Variants in DYNC2LI1 observed in about 807,000 individuals in gnomAD.
DYNC2LI1 encodes the protein dynein cytoplasmic 2 light intermediate chain 1.
Under a neutral mutation model 51.9 loss-of-function variants are expected in DYNC2LI1, and 45 were observed. The ratio of observed to expected loss-of-function variants is 0.87; its 90% CI spans 0.68 to 1.11. The LOEUF (loss-of-function observed/expected upper bound fraction) is 1.11, where lower values mean the gene tolerates loss of function less well. Ranked by LOEUF, DYNC2LI1 falls within the 50% of genes most tolerant of loss-of-function variation. The probability of loss-of-function intolerance (pLI) is 0.00; values close to 1 mark genes in which losing one functional copy is unlikely to be tolerated. For synonymous variants in DYNC2LI1, 130 were observed against 137.8 expected (o/e 0.94, Z 0.40); for missense variants, 490 against 417.4 (o/e 1.17, Z -1.51).
At chr2:43,827,082 T>C in the DYNC2LI1 span, among the ~76,000 whole-genome samples, 1 of 152,126 alleles carries the variant, frequency 6.6e-6, no homozygotes, top group Non-Finnish European at 1.5e-5. Context: ...GCCAACACTT[T>C]GGGAGGTCAA....
rs17031616 is a variant in DYNC2LI1 at position 43,805,124 on chromosome 2, G to A, written c.901-30G>A. ...AGCCATTGAATTTTGGTTTATGGGC[G>A]TGAAGTGATTTTGAGATTTGTAATT... On this transcript the variant is annotated intron_variant, in intron 11 of 12. Coordinates refer to ENST00000260605, the MANE Select transcript of DYNC2LI1 (RefSeq NM_016008.4). 11,384 of 1,498,820 alleles carry A rather than the reference G, an allele frequency of 7.6e-3. 207 individuals carry two copies. Among genetic ancestry groups the A allele is most frequent in the African/African-American group, 0.062 (4,519 of 72,530 alleles). 92.8% of individuals were successfully genotyped at this position (1,498,820 alleles called of 1,614,324 possible). A position where few individuals can be genotyped will look rare whatever the true frequency, so the allele number is the denominator to read the frequency against.
At chr2:43,791,561 A>G (rs1346953220) in intron 5 of DYNC2LI1, among the ~76,000 whole-genome samples, 1 of 152,164 alleles carries the variant, frequency 6.6e-6, no homozygotes, top group Admixed American at 6.5e-5. Flanking sequence ...GGGAAAGGGA[A>G]AGGGAGCCAT....
chr2:43,777,817 C>T (rs557794791), intron 2 of DYNC2LI1, among the ~76,000 whole-genome samples: 4 of 152,120 alleles, frequency 2.6e-5, no homozygotes, highest in Non-Finnish European at 5.9e-5. Flanking sequence ...TTATATACAA[C>T]ATTAAGATTA....
chr2:43,822,279 C>G, the DYNC2LI1 span, among the ~76,000 whole-genome samples: 1 of 152,148 alleles, frequency 6.6e-6, no homozygotes, highest in South Asian at 2.1e-4. Flanking sequence ...CCTCCTTTAA[C>G]CCCTGCAATA....
At chr2:43,818,227 G>T in the DYNC2LI1 span, among the ~76,000 whole-genome samples, 2 of 152,036 alleles carry the variant, frequency 1.3e-5, no homozygotes, top group Non-Finnish European at 2.9e-5. Context: ...CGAGGTGGGC[G>T]AATCACTTGA....
Position 43,774,146 on chromosome 2 carries a change from G to C in DYNC2LI1, c.8G>C (p.Ser3Thr). ...GCAGCCAGGCCGTCGACGATGCCCAGGTATTCCCTGAACCCGGCTTGCGTG... is the reference window on the plus strand; with the variant it reads ...GCAGCCAGGCCGTCGACGATGCCCACGTATTCCCTGAACCCGGCTTGCGTG... MP[S>T]ETLWEIAKAE... Residue 3 changes from serine to threonine, a missense_variant and splice_region_variant, in exon 1 of 13, where the codon AGT (serine) becomes ACT (threonine). Transcript: ENST00000260605. 6.2e-7 allele frequency: 1 copy of C among 1,613,964 alleles called. No individual in the cohort carries two copies. Among genetic ancestry groups the C allele is most frequent in the Non-Finnish European group, 8.5e-7 (1 of 1,179,954 alleles).
At chr2:43,806,290 A>G (rs186035137) in intron 12 of DYNC2LI1, among the ~76,000 whole-genome samples, 2 of 152,306 alleles carry the variant, frequency 1.3e-5, no homozygotes, top group East Asian at 3.9e-4. Context: ...TATGCTAAGC[A>G]CTAGATCGAA....
chr2:43,801,984 C>A (rs1666092383), intron 10 of DYNC2LI1, among the ~76,000 whole-genome samples: 2 of 152,118 alleles, frequency 1.3e-5, no homozygotes, highest in Non-Finnish European at 2.9e-5. Flanking sequence ...CTTTCCCCAA[C>A]TGATTTCCAG....
downstream of DYNC2LI1, chr2:43,813,292 C>T: frequency 6.2e-7 from 1 of 1,613,458 alleles, no homozygotes; most frequent in East Asian, 2.2e-5. Flanking sequence ...TTAGTTGTCA[C>T]AGAAACATTT....
At chr2:43,787,128 A>G (rs143359465) in intron 3 of DYNC2LI1, 53 bp from the exon 4 acceptor site, 1 of 1,450,144 alleles carries the variant, frequency 6.9e-7, no homozygotes, top group Non-Finnish European at 9.6e-7. Flanking sequence ...AGGTGATAGC[A>G]TAAGAAACTA....
intron 3 of DYNC2LI1, 117 bp downstream of exon 3, chr2:43,783,671 A>G (rs891937496): frequency 1.6e-6 from 1 of 630,480 alleles, no homozygotes; most frequent in Non-Finnish European, 2.6e-6. Context: ...AAAATATTTA[A>G]TTCTTAGCAA....
chr2:43,795,485 A>G (rs1673994354), intron 6 of DYNC2LI1, among the ~76,000 whole-genome samples: 1 of 152,076 alleles, frequency 6.6e-6, no homozygotes, highest in African/African-American at 2.4e-5. Context: ...GCCTGACTCC[A>G]GAGGGAGACT....
the DYNC2LI1 span, among the ~76,000 whole-genome samples, chr2:43,821,902 T>C: frequency 2.6e-5 from 4 of 152,074 alleles, no homozygotes; most frequent in African/African-American, 9.7e-5. Context: ...ACCCCATCTT[T>C]GAAAGTGTGA....
the DYNC2LI1 span, chr2:43,825,043 G>C: frequency 1.2e-6 from 2 of 1,612,396 alleles, no homozygotes; most frequent in Admixed American, 3.3e-5. Context: ...GACGTAGTTA[G>C]TGTGTGATCA....
chr2:43,818,827 C>A, the DYNC2LI1 span, among the ~76,000 whole-genome samples: 13 of 152,108 alleles, frequency 8.5e-5, no homozygotes, highest in African/African-American at 3.1e-4. Flanking sequence ...TGATTATTTC[C>A]GTTCCTTCTC....
rs17495522 is a variant in DYNC2LI1 at position 43,801,634 on chromosome 2, C to A, written c.732-5C>A. 1.2e-6 allele frequency: 2 copies of A among 1,603,678 alleles called. No individual in the cohort carries two copies. Among genetic ancestry groups the A allele is most frequent in the Non-Finnish European group, 8.5e-7 (1 of 1,174,060 alleles). On this transcript the variant is annotated splice_polypyrimidine_tract_variant and splice_region_variant and intron_variant, in intron 9 of 12. Transcript: ENST00000260605. ...TAATTTAGAATCTTTCTCTTCTCCA[C>A]GTAGCAAATCAATATGTGTGGATCA...
intron 12 of DYNC2LI1, among the ~76,000 whole-genome samples, chr2:43,807,463 T>C (rs998407435): frequency 6.6e-6 from 1 of 152,114 alleles, no homozygotes; most frequent in East Asian, 1.9e-4. Context: ...TCTTTGATAC[T>C]GTGTCTTGCT....
the DYNC2LI1 span, chr2:43,825,162 A>ATAAG: frequency 1.0e-6 from 1 of 991,136 alleles, no homozygotes; most frequent in East Asian, 2.8e-5. Flanking sequence ...TCCCATAAGC[A>ATAAG]GTCAGTCCTT....
At chr2:43,824,223 G>A in the DYNC2LI1 span, 1 of 1,614,206 alleles carries the variant, frequency 6.2e-7, no homozygotes, top group Non-Finnish European at 8.5e-7. Flanking sequence ...TCTTACCTCA[G>A]GAGAACACCC....
Sources: allele counts gnomAD v4.1 joint callset (sites outside exome capture counted in the v4.1 genomes callset), GRCh38; gene constraint gnomAD v4.1.1; transcripts MANE v1.5; gene names NCBI Gene and HGNC (gene_info 2026-07-23, HGNC 2026-07-21).